The following HELZ variants were observed in gnomAD, a reference collection of about 807,000 sequenced individuals.
HELZ encodes the protein helicase with zinc finger.
In HELZ, 23 loss-of-function variants were observed where a neutral mutation model predicts 218.2. That is an observed-to-expected ratio of 0.11 (90% CI 0.08 to 0.15). HELZ has a LOEUF of 0.15. Among genes scored for constraint, HELZ ranks in the 10% least tolerant of loss-of-function variants. The probability of loss-of-function intolerance (pLI) is 1.00; values close to 1 mark genes in which losing one functional copy is unlikely to be tolerated. For missense variants in HELZ, 1,813 were observed against 2,353.7 expected, an observed-to-expected ratio of 0.77 and a Z score of 4.75; for synonymous variants, 814 against 829.4, an observed-to-expected ratio of 0.98 and a Z score of 0.32.
At position 67,188,234 on chromosome 17, in the gene HELZ, C is replaced by A. The variant is rs1256223161; in HGVS notation, c.1162+85G>T. The A allele has an allele frequency of 2.8e-5, 35 of 1,246,412 alleles. No homozygotes were observed. The South Asian group carries it at 5.0e-4, about 18-fold the overall frequency. The allele number at this position is 1,246,412 out of a possible 1,614,324, so 77.2% of individuals were successfully genotyped here. ...TCTTTATTACTATTCTCTTCCTATC[C>A]ATGGAATATATTCAGGGGCCAATAC... On this transcript the variant is annotated intron_variant, in intron 12 of 32. Coordinates refer to ENST00000358691, the MANE Select transcript of HELZ (RefSeq NM_014877.4). This position sits in a 1 kb window ranked among gnomAD's most constrained non-coding sequence, Gnocchi z 4.1.
At chr17:67,160,860 T>C (rs1432766061) in intron 16 of HELZ, 37 bp downstream of exon 16, 4 of 1,479,280 alleles carry the variant, frequency 2.7e-6, no homozygotes, top group Non-Finnish European at 2.8e-6. Context: ...GGTAGTATCC[T>C]ACCAGGGAAA....
chr17:67,191,680 G>T (rs2039900039), intron 9 of HELZ, among the ~76,000 whole-genome samples: 1 of 150,570 alleles, frequency 6.6e-6, no homozygotes, highest in African/African-American at 2.4e-5. Context: ...TCGAACTCCT[G>T]ACCTCAAGTG....
intron 15 of HELZ, 64 bp from the exon 16 acceptor site, chr17:67,161,140 G>T: frequency 8.2e-7 from 1 of 1,221,134 alleles, no homozygotes; most frequent in Non-Finnish European, 1.1e-6. Flanking sequence ...CATAACACAC[G>T]AGTATCGTGA....
intron 31 of HELZ, among the ~76,000 whole-genome samples, chr17:67,101,541 T>C (rs531378741): frequency 5.9e-5 from 9 of 152,116 alleles, no homozygotes; most frequent in Non-Finnish European, 8.8e-5. Context: ...AAGAAATACA[T>C]CTTACTCAGA....
At chr17:67,212,328 A>AAAAAAAAAAAAAAAAAAAAAAAAAAC (rs2040478186) in intron 5 of HELZ, among the ~76,000 whole-genome samples, 1 of 147,536 alleles carries the variant, frequency 6.8e-6, no homozygotes, top group Non-Finnish European at 1.5e-5. Flanking sequence ...AAAAAAAAAA[A>AAAAAAAAAAAAAAAAAAAAAAAAAAC]AAAAAAAGGC....
At chr17:67,141,056 C>G (rs1008271946) in intron 21 of HELZ, among the ~76,000 whole-genome samples, 1 of 152,184 alleles carries the variant, frequency 6.6e-6, no homozygotes, top group Non-Finnish European at 1.5e-5. Context: ...CTTGCAGACT[C>G]CCCTTATAAG....
intron 2 of HELZ, among the ~76,000 whole-genome samples, chr17:67,241,875 G>A (rs2041322324): frequency 6.6e-6 from 1 of 152,118 alleles, no homozygotes; most frequent in Admixed American, 6.6e-5. Context: ...TCCCATTTTA[G>A]AATACTTTGT....
At chr17:67,139,186 T>C (rs1426709127) in intron 21 of HELZ, among the ~76,000 whole-genome samples, 1 of 152,134 alleles carries the variant, frequency 6.6e-6, no homozygotes, top group African/African-American at 2.4e-5. Flanking sequence ...AGTTCCCATG[T>C]CCAGATACAA....
At chr17:67,245,350 T>C, upstream of HELZ, 1 of 695,642 alleles carries the variant, frequency 1.4e-6, no homozygotes, top group South Asian at 6.3e-5. Context: ...GCTGGCCCCT[T>C]CCCCTCCCCC....
At chr17:67,152,767 T>TAAAAAAAA (rs368609592) in intron 17 of HELZ, among the ~76,000 whole-genome samples, 2 of 124,858 alleles carry the variant, frequency 1.6e-5, no homozygotes, top group Admixed American at 8.2e-5. Flanking sequence ...AGAGTAGATT[T>TAAAAAAAA]AAAAAAAAAA....
In HELZ at chr17:67,109,554, C is replaced by T. The variant is rs759956817; in HGVS notation, c.4051G>A (p.Ala1351Thr). The T allele has an allele frequency of 2.0e-5, 33 of 1,613,862 alleles. No individual in the cohort carries two copies. In the Admixed American group the frequency reaches 2.7e-4, roughly 13 times the overall value. ...TGGCGATTAGGGATTGCATACTGTG[C>T]GTGGGGAGCAGGAAGGGGAAGATTT... is the stretch of plus-strand genomic sequence containing the variant. The part of the protein sequence containing the change: ...HINLPLPAPH[A>T]QYAIPNRHFH... The change falls in exon 29 of 33, where the codon GCA (alanine) becomes ACA (threonine). Residue 1351 changes from alanine to threonine, a missense_variant. Ala to Thr is a moderately conservative substitution (Grantham distance 58). Coordinates refer to ENST00000358691, the MANE Select transcript of HELZ (RefSeq NM_014877.4).
In HELZ at chr17:67,120,448, T is replaced by C. The variant is rs768640047; in HGVS notation, c.3795A>G (p.Gln1265=). 2 of 1,613,958 alleles carry C rather than the reference T, an allele frequency of 1.2e-6. No homozygotes were observed. Among genetic ancestry groups the C allele is most frequent in the South Asian group, 2.2e-5 (2 of 91,072 alleles). The change falls in exon 27 of 33, where the codon CAA becomes CAG. Residue 1265 remains glutamine, a synonymous_variant. Transcript: ENST00000358691. The part of the protein sequence containing the change: ...HHPPVTIGQP[Q]NQHQEKDQHE... ...GTTGATCCTTCTCCTGATGCTGATTTTGTGGCTGGCCTATGGTGACAGGTG... is the reference window on the plus strand; with the variant it reads ...GTTGATCCTTCTCCTGATGCTGATTCTGTGGCTGGCCTATGGTGACAGGTG...
chr17:67,161,255 A>G (rs1184594729), intron 15 of HELZ, among the ~76,000 whole-genome samples, 179 bp from the exon 16 acceptor site: 2 of 152,224 alleles, frequency 1.3e-5, no homozygotes, highest in African/African-American at 4.8e-5. Context: ...GTCAGTGTAG[A>G]GTGTTTTAAC....
At chr17:67,220,931 G>A (rs1366152735) in intron 3 of HELZ, among the ~76,000 whole-genome samples, 1 of 149,600 alleles carries the variant, frequency 6.7e-6, no homozygotes, top group Non-Finnish European at 1.5e-5. Flanking sequence ...TTTCCTTCAG[G>A]GAGGCTGTAA....
chr17:67,180,618 CTGTAATCCTAGCAGTTTGGG>C (rs1474982494), intron 12 of HELZ, among the ~76,000 whole-genome samples: 2 of 152,168 alleles, frequency 1.3e-5, no homozygotes, highest in East Asian at 3.9e-4. Context: ...TGGCTCAAAC[CTGTAATCCTAGCAGTTTGGG>C]AGGCTGAGGC....
At chr17:67,100,079 T>A (rs779235887) in intron 31 of HELZ, among the ~76,000 whole-genome samples, 20 of 152,304 alleles carry the variant, frequency 1.3e-4, no homozygotes, top group Non-Finnish European at 2.4e-4. Context: ...GCTATCACCA[T>A]CTATTCCTAA....
chr17:67,108,740 T>C lies in HELZ; in HGVS notation c.4490-14A>G, dbSNP rs748047874. 15 of 1,538,918 alleles carry C rather than the reference T, an allele frequency of 9.7e-6. No homozygotes were observed. Among genetic ancestry groups the C allele is most frequent in the Non-Finnish European group, 1.3e-5 (15 of 1,139,494 alleles). On this transcript the variant is annotated splice_polypyrimidine_tract_variant and intron_variant, in intron 29 of 32. Transcript: ENST00000358691. This position sits in a 1 kb window ranked among gnomAD's most constrained non-coding sequence, Gnocchi z 4.1. Reference sequence around the variant, plus strand: ...CATGTATACGATCTGCAAAAATATTTGTGAAAAATTTTTTATGAATTTGGG... The same window carrying C: ...CATGTATACGATCTGCAAAAATATTCGTGAAAAATTTTTTATGAATTTGGG...
Position 67,074,809 on chromosome 17 carries a change from GACCAGTTGATGTTT to G in HELZ, c.*3429_*3442del, listed in dbSNP as rs996967620. On this transcript the variant is annotated 3_prime_UTR_variant, in exon 33 of 33. Coordinates refer to ENST00000358691, the MANE Select transcript of HELZ (RefSeq NM_014877.4). ...ATTCTGCAGTTCTCTGAACTGAAAA[GACCAGTTGATGTTT>G]ACATTAAACCTAAACTTATTCTAAA... The G allele has an allele frequency of 5.3e-5, 8 of 151,424 alleles. No individual in the cohort carries two copies. The highest frequency in any genetic ancestry group is 5.3e-4 in the Admixed American group (8 of 15,210). 9.4% of individuals were successfully genotyped at this position (151,424 alleles called of 1,614,324 possible).
chr17:67,095,743 G>A (rs890465905), intron 31 of HELZ, among the ~76,000 whole-genome samples: 1 of 152,088 alleles, frequency 6.6e-6, no homozygotes, highest in African/African-American at 2.4e-5. Context: ...CCAAACTCCC[G>A]TTCATATTGA....
Sources: gnomAD v4.1 joint callset for allele counts (sites outside exome capture counted in the v4.1 genomes callset) on GRCh38, gnomAD v4.1.1 for gene constraint, Gnocchi (gnomAD v3.1) non-coding constraint, MANE v1.5 for transcripts, NCBI Gene and HGNC (gene_info 2026-07-23, HGNC 2026-07-21) for gene names.